The following DCAF5 variants were observed in gnomAD, a reference collection of about 807,000 sequenced individuals.
DCAF5 encodes the protein DDB1- and CUL4-associated factor 5.
DCAF5 carries 9 observed loss-of-function variants against 80.7 expected under a neutral mutation model. That is an observed-to-expected ratio of 0.11 (90% CI 0.07 to 0.19). The LOEUF is 0.19. DCAF5 is among the 10% of genes least tolerant of loss of function. The pLI is 1.00. For missense variants in DCAF5, 842 were observed against 1,205.7 expected (o/e 0.70, Z 4.47); for synonymous variants, 433 against 461.9 (o/e 0.94, Z 0.80).
chr14:69,073,604 G>A (rs1235625954), intron 7 of DCAF5, among the ~76,000 whole-genome samples: 1 of 151,944 alleles, frequency 6.6e-6, no homozygotes, highest in Non-Finnish European at 1.5e-5. Context: ...GTGAACCAAA[G>A]TCATGCCACT....
chr14:69,083,576 T>C (rs1449527184), intron 6 of DCAF5: 3 of 448,720 alleles, frequency 6.7e-6, no homozygotes, highest in African/African-American at 4.2e-5. Context: ...AAACATTCTA[T>C]GAATGTGGGC....
chr14:69,136,869 G>T (rs887112370), intron 1 of DCAF5, among the ~76,000 whole-genome samples: 2 of 151,884 alleles, frequency 1.3e-5, no homozygotes, highest in African/African-American at 4.8e-5. Context: ...AATATGCAAC[G>T]AAATATGAAA....
In DCAF5 at chr14:69,055,943, A is replaced by G. The variant is rs188561850; in HGVS notation, c.1075-332T>C. Among the ~76,000 whole-genome samples the G allele has an allele frequency of 4.2e-4, 64 of 152,274 alleles. 1 individual carries two copies. The East Asian group carries it at 6.8e-3, about 16-fold the overall frequency. On this transcript the variant is annotated intron_variant, in intron 8 of 8. Coordinates refer to ENST00000341516, the MANE Select transcript of DCAF5 (RefSeq NM_003861.3). This position sits in a 1 kb window ranked among gnomAD's most constrained non-coding sequence, Gnocchi z 5.6. ...ATCTTCCTCCCTTTTAGTTTCATCT[A>G]TTAGTAGTTGGACATTATAATAATA...
chr14:69,152,511 G>C lies in DCAF5; in HGVS notation c.214+254C>G, dbSNP rs969627361. The C allele has an allele frequency of 7.8e-6, 4 of 515,460 alleles. No individual in the cohort carries two copies. Among genetic ancestry groups the C allele is most frequent in the African/African-American group, 7.7e-5 (4 of 51,934 alleles). The allele number at this position is 515,460 out of a possible 1,614,324, so 31.9% of individuals were successfully genotyped here. A position where few individuals can be genotyped will look rare whatever the true frequency, so the allele number is the denominator to read the frequency against. ...TACACTTTCAGGGCAGGCATCAGGA[G>C]AGATCACTTTGCACTTGGGATAAAG... On this transcript the variant is annotated intron_variant, in intron 1 of 8. Coordinates refer to ENST00000341516, the MANE Select transcript of DCAF5 (RefSeq NM_003861.3). This position sits in a 1 kb window ranked among gnomAD's most constrained non-coding sequence, Gnocchi z 4.1.
intron 8 of DCAF5, among the ~76,000 whole-genome samples, chr14:69,060,259 A>G (rs2038155126): frequency 6.6e-6 from 1 of 152,232 alleles, no homozygotes; most frequent in Admixed American, 6.5e-5. Context: ...CCTTCCCACC[A>G]GCATGGCAAA....
chr14:69,077,719 C>T (rs1289300119), intron 6 of DCAF5, among the ~76,000 whole-genome samples: 1 of 152,172 alleles, frequency 6.6e-6, no homozygotes, highest in African/African-American at 2.4e-5. Context: ...TTGAAAATGA[C>T]ATCGAACATC....
At chr14:69,144,303 T>C (rs539734877) in intron 1 of DCAF5, among the ~76,000 whole-genome samples, 1 of 151,302 alleles carries the variant, frequency 6.6e-6, no homozygotes, top group African/African-American at 2.4e-5. Context: ...CCAGGCGCGG[T>C]GGCTCACGCC....
Position 69,055,042 on chromosome 14 carries a change from G to C in DCAF5, c.1644C>G (p.Pro548=). The C allele has an allele frequency of 6.2e-7, 1 of 1,614,244 alleles. No homozygotes were observed. The highest frequency in any genetic ancestry group is 8.5e-7 in the Non-Finnish European group (1 of 1,180,052). The change falls in exon 9 of 9, where the codon CCC becomes CCG. Residue 548 remains proline, a synonymous_variant. Transcript: ENST00000341516. This position sits in a 1 kb window ranked among gnomAD's most constrained non-coding sequence, Gnocchi z 5.6. ...CTTCGGGGCTGGGTGACCGTGGCCG[G>C]GGAAAGAGATCTGTGTCTAGTTCCA... ...CEVELDTDLF[P]RPRSPSPEDE...
intron 5 of DCAF5, among the ~76,000 whole-genome samples, chr14:69,102,257 C>T (rs2039978706): frequency 1.3e-5 from 2 of 151,768 alleles, no homozygotes; most frequent in Admixed American, 1.3e-4. Context: ...TACAGGCACA[C>T]GTCACCATGC....
chr14:69,061,848 G>A (rs1566721953), intron 8 of DCAF5, among the ~76,000 whole-genome samples: 1 of 152,126 alleles, frequency 6.6e-6, no homozygotes, highest in Non-Finnish European at 1.5e-5. Context: ...AAAGCCTAGT[G>A]ATTAGTTTAA....
chr14:69,062,629 G>T, intron 7 of DCAF5, 118 bp from the exon 8 acceptor site: 3 of 1,087,544 alleles, frequency 2.8e-6, no homozygotes, highest in Non-Finnish European at 3.9e-6. Context: ...TATACCACCA[G>T]CAGAATGCTT....
At chr14:69,088,436 A>G (rs1231962934) in intron 6 of DCAF5, among the ~76,000 whole-genome samples, 1 of 152,202 alleles carries the variant, frequency 6.6e-6, no homozygotes, top group African/African-American at 2.4e-5. Context: ...GGAGGTTCAG[A>G]TATTTCACAC....
intron 1 of DCAF5, among the ~76,000 whole-genome samples, chr14:69,128,123 G>C (rs2040930255): frequency 1.3e-5 from 2 of 151,928 alleles, no homozygotes; most frequent in South Asian, 4.2e-4. Context: ...TGATTAATAT[G>C]GACAATTGCT....
At chr14:69,085,361 C>T in intron 6 of DCAF5, 1 of 638,666 alleles carries the variant, frequency 1.6e-6, no homozygotes. Flanking sequence ...AGCAAGCAAA[C>T]ATCCAACCGC....
At chr14:69,125,912 G>C (rs2040858514) in intron 1 of DCAF5, among the ~76,000 whole-genome samples, 1 of 151,782 alleles carries the variant, frequency 6.6e-6, no homozygotes, top group African/African-American at 2.4e-5. Context: ...AGTAAAAGAG[G>C]CTTTTAAGTG....
At chr14:69,134,866 A>AT (rs1158109409) in intron 1 of DCAF5, among the ~76,000 whole-genome samples, 1 of 152,216 alleles carries the variant, frequency 6.6e-6, no homozygotes, top group Non-Finnish European at 1.5e-5. Flanking sequence ...TTGGAGGACA[A>AT]TTGGGTGACA....
At position 69,053,589 on chromosome 14, in the gene DCAF5, C is replaced by G. The variant is rs115710942; in HGVS notation, c.*268G>C. On this transcript the variant is annotated 3_prime_UTR_variant, in exon 9 of 9. Transcript: ENST00000341516. ...AGATTTACTTCCACAGAGCCTTGCG[C>G]GGCACACTACGCTCACGTCTCACTA... is the stretch of plus-strand genomic sequence containing the variant. The G allele has an allele frequency of 2.2e-5, 9 of 413,794 alleles. No homozygotes were observed. The Admixed American group carries it at 2.5e-4, about 12-fold the overall frequency. 25.6% of individuals were successfully genotyped at this position (413,794 alleles called of 1,614,324 possible).
chr14:69,085,016 T>A (rs1267182439), intron 6 of DCAF5: 1 of 1,354,168 alleles, frequency 7.4e-7, no homozygotes, highest in Non-Finnish European at 1.1e-6. Flanking sequence ...GATCCAAGGT[T>A]CCATTAAGTG....
At position 69,072,689 on chromosome 14, in the gene DCAF5, T is replaced by C. The variant is rs147135454; in HGVS notation, c.946+2656A>G. 5.9e-4 allele frequency among the ~76,000 whole-genome samples: 88 copies of C among 148,894 alleles called. No individual in the cohort carries two copies. The East Asian group carries it at 0.014, about 23-fold the overall frequency. On this transcript the variant is annotated intron_variant, in intron 7 of 8. Coordinates refer to ENST00000341516, the MANE Select transcript of DCAF5 (RefSeq NM_003861.3). ...ATGTGGGTGGGATCTGTAAGAATAGTGGCAGAAGGGTTGAATCCCCAAATG... is the reference window on the plus strand; with the variant it reads ...ATGTGGGTGGGATCTGTAAGAATAGCGGCAGAAGGGTTGAATCCCCAAATG...
Sources: allele counts gnomAD v4.1 joint callset (sites outside exome capture counted in the v4.1 genomes callset), GRCh38; gene constraint gnomAD v4.1.1; non-coding constraint Gnocchi (gnomAD v3.1); transcripts MANE v1.5; gene names NCBI Gene and HGNC (gene_info 2026-07-23, HGNC 2026-07-21).